Variants in AFF1 observed in about 807,000 individuals in gnomAD.
AFF1 encodes the protein ALF transcription elongation factor 1.
AFF1 carries 48 observed loss-of-function variants against 121.7 expected under a neutral mutation model. The observed-to-expected ratio is 0.39, with a 90% CI of 0.31 to 0.50. The LOEUF is 0.50. Among genes scored for constraint, AFF1 ranks in the 20% least tolerant of loss-of-function variants. AFF1 has a pLI of 0.76. For missense variants in AFF1, 1,523 were observed against 1,511.7 expected (o/e 1.01, Z -0.12); for synonymous variants, 613 against 563.0 (o/e 1.09, Z -1.26).
chr4:86,943,060 A>C (rs561266620), intron 1 of AFF1, among the ~76,000 whole-genome samples: 1 of 152,364 alleles, frequency 6.6e-6, no homozygotes, highest in East Asian at 1.9e-4. Flanking sequence ...TTTGAGAGTC[A>C]GTGGAGGCCT....
At position 87,065,510 on chromosome 4, in the gene AFF1, TA is replaced by T. The variant is rs35526401; in HGVS notation, c.1059+17929del. On this transcript the variant is annotated intron_variant, in intron 4 of 20. Coordinates refer to ENST00000395146, the MANE Select transcript of AFF1 (RefSeq NM_001166693.3). ...AATATTGCTTAGGATGAGGTGAGGT[TA>T]AAAAAAAAAAAAGTGAGTTGATCAT... is the stretch of plus-strand genomic sequence containing the variant. Among the ~76,000 whole-genome samples the T allele has an allele frequency of 2.0e-3, 287 of 145,414 alleles. 2 individuals are homozygous for T. The highest frequency in any genetic ancestry group is 2.2e-3 in the Non-Finnish European group (148 of 66,466).
intron 2 of AFF1, among the ~76,000 whole-genome samples, chr4:87,037,809 T>C (rs957529623): frequency 5.3e-5 from 8 of 152,108 alleles, no homozygotes; most frequent in African/African-American, 1.9e-4. Context: ...ATTTAAGATA[T>C]GCAAAATATC....
Position 87,097,816 on chromosome 4 carries a change from G to GA in AFF1, c.1283+2848dup, listed in dbSNP as rs1207813065. ...CTTTTATGAACTCACTTTTAATGGA[G>GA]ATTAGAAGAAAGTGGTGTCCCAAAT... On this transcript the variant is annotated intron_variant, in intron 8 of 20. Coordinates refer to ENST00000395146, the MANE Select transcript of AFF1 (RefSeq NM_001166693.3). Among the ~76,000 whole-genome samples, 3 of 152,298 alleles carry GA rather than the reference G, an allele frequency of 2.0e-5. No homozygotes were observed. In the South Asian group the frequency reaches 6.2e-4, roughly 32 times the overall value.
At chr4:87,009,443 G>A (rs557205973) in intron 2 of AFF1, among the ~76,000 whole-genome samples, 5 of 152,338 alleles carry the variant, frequency 3.3e-5, no homozygotes, top group Admixed American at 1.3e-4. Context: ...ATAATCCTGA[G>A]TTATCAGTGT....
chr4:87,095,064 A>G, intron 8 of AFF1, 95 bp downstream of exon 8: 1 of 1,183,648 alleles, frequency 8.4e-7, no homozygotes, highest in East Asian at 2.5e-5. Flanking sequence ...CCTTTATGTA[A>G]TGACATTAAT....
intron 2 of AFF1, among the ~76,000 whole-genome samples, chr4:87,029,095 A>G (rs1728816127): frequency 6.6e-6 from 1 of 152,140 alleles, no homozygotes; most frequent in Admixed American, 6.5e-5. Context: ...GCAGGTTGTA[A>G]TTTGTCAGAT....
At chr4:86,971,314 T>G (rs1722930391) in intron 2 of AFF1, among the ~76,000 whole-genome samples, 1 of 152,254 alleles carries the variant, frequency 6.6e-6, no homozygotes, top group Non-Finnish European at 1.5e-5. Context: ...CATGTTATTT[T>G]TAATAGCTAG....
chr4:87,112,957 A>C (rs887786514), intron 11 of AFF1, among the ~76,000 whole-genome samples: 2 of 152,240 alleles, frequency 1.3e-5, no homozygotes, highest in Non-Finnish European at 2.9e-5. Context: ...TATGAAATTC[A>C]TGGGTATAGT....
intron 2 of AFF1, among the ~76,000 whole-genome samples, chr4:87,038,740 CTT>C (rs1377538407): frequency 5.3e-5 from 8 of 152,218 alleles, no homozygotes; most frequent in African/African-American, 1.9e-4. Context: ...AGTAATAAGA[CTT>C]AATCCTTTCC....
chr4:87,023,155 GT>G (rs1728200422), intron 2 of AFF1, among the ~76,000 whole-genome samples: 1 of 152,076 alleles, frequency 6.6e-6, no homozygotes, highest in Non-Finnish European at 1.5e-5. Flanking sequence ...ACCACTTTGG[GT>G]TCTCAAAGTG....
intron 7 of AFF1, among the ~76,000 whole-genome samples, chr4:87,092,352 A>G (rs1724401875): frequency 6.6e-6 from 1 of 152,244 alleles, no homozygotes; most frequent in African/African-American, 2.4e-5. Flanking sequence ...TACTAAACAA[A>G]TGCAGTGTGG....
chr4:87,083,272 AG>A (rs1460091285), intron 4 of AFF1, among the ~76,000 whole-genome samples: 2 of 152,362 alleles, frequency 1.3e-5, no homozygotes, highest in South Asian at 4.1e-4. Context: ...AGGAAGAGGT[AG>A]AAATAGTAGA....
At chr4:87,087,587 G>T (rs190963919) in intron 5 of AFF1, among the ~76,000 whole-genome samples, 1 of 152,340 alleles carries the variant, frequency 6.6e-6, no homozygotes, top group East Asian at 1.9e-4. Flanking sequence ...TCATGGCCTT[G>T]TGAGTCTTTC....
At chr4:86,984,462 T>A (rs1171553587) in intron 2 of AFF1, among the ~76,000 whole-genome samples, 1 of 151,980 alleles carries the variant, frequency 6.6e-6, no homozygotes, top group East Asian at 1.9e-4. Context: ...TAGCTGAGAC[T>A]AGGCGCACGT....
chr4:87,076,158 C>T (rs1467107544), intron 4 of AFF1, among the ~76,000 whole-genome samples: 1 of 152,134 alleles, frequency 6.6e-6, no homozygotes, highest in Non-Finnish European at 1.5e-5. Context: ...CTTCTAGGTT[C>T]CCCCAATAGG....
chr4:86,982,680 A>G (rs1723851918), intron 2 of AFF1, among the ~76,000 whole-genome samples: 2 of 151,544 alleles, frequency 1.3e-5, no homozygotes, highest in East Asian at 1.9e-4. Flanking sequence ...CCCTGTCTCT[A>G]CTAAAAATAC....
intron 11 of AFF1, among the ~76,000 whole-genome samples, chr4:87,113,106 A>G (rs1726720094): frequency 6.6e-6 from 1 of 152,220 alleles, no homozygotes. Context: ...GGTGGGATGC[A>G]ACAGCAGTTA....
chr4:87,019,488 A>AGG (rs1727664787), intron 2 of AFF1, among the ~76,000 whole-genome samples: 1 of 152,218 alleles, frequency 6.6e-6, no homozygotes, highest in Admixed American at 6.5e-5. Context: ...TCTGAACTGA[A>AGG]GGGTGTTGGT....
At chr4:87,135,478 G>C (rs1729221568) in intron 20 of AFF1, 102 bp from the exon 21 acceptor site, 1 of 1,225,118 alleles carries the variant, frequency 8.2e-7, no homozygotes, top group South Asian at 1.8e-5. Flanking sequence ...GCAGAATATT[G>C]TGGGGACCTA....
Sources: allele counts gnomAD v4.1 joint callset (sites outside exome capture counted in the v4.1 genomes callset), GRCh38; gene constraint gnomAD v4.1.1; transcripts MANE v1.5; gene names NCBI Gene and HGNC (gene_info 2026-07-23, HGNC 2026-07-21).